The following PPARGC1A variants were observed in gnomAD, a reference collection of about 807,000 sequenced individuals.
PPARGC1A encodes PPARG coactivator 1 alpha.
In PPARGC1A, 25 loss-of-function variants were observed where a neutral mutation model predicts 88.7. The ratio of observed to expected loss-of-function variants is 0.28; its 90% CI spans 0.21 to 0.39. The LOEUF is 0.39. Ranked by LOEUF, PPARGC1A falls within the 10% of genes least tolerant of loss-of-function variation. PPARGC1A has a pLI of 1.00. For missense variants in PPARGC1A, 880 were observed against 968.7 expected, an observed-to-expected ratio of 0.91 and a Z score of 1.22; for synonymous variants, 363 against 355.6, an observed-to-expected ratio of 1.02 and a Z score of -0.24.
the PPARGC1A span, among the ~76,000 whole-genome samples, chr4:24,041,332 C>T: frequency 1.3e-5 from 2 of 152,274 alleles, no homozygotes; most frequent in Non-Finnish European, 1.5e-5. Flanking sequence ...ATTTCTCCAC[C>T]AAAGGCTACA....
At chr4:24,221,578 T>G in the PPARGC1A span, among the ~76,000 whole-genome samples, 5 of 152,172 alleles carry the variant, frequency 3.3e-5, no homozygotes, top group Non-Finnish European at 5.9e-5. Flanking sequence ...GAGGAAATAT[T>G]TGCATATGCA....
the PPARGC1A span, among the ~76,000 whole-genome samples, chr4:24,242,685 A>G: frequency 6.6e-6 from 1 of 152,282 alleles, no homozygotes; most frequent in African/African-American, 2.4e-5. Flanking sequence ...GATAGCCTTG[A>G]TGTTAAGATA....
At chr4:24,201,320 A>G in the PPARGC1A span, among the ~76,000 whole-genome samples, 2 of 152,334 alleles carry the variant, frequency 1.3e-5, no homozygotes, top group South Asian at 2.1e-4. Flanking sequence ...CCTGAGGACA[A>G]GGGGCCAAAA....
chr4:24,210,893 C>T, the PPARGC1A span, among the ~76,000 whole-genome samples: 1 of 152,228 alleles, frequency 6.6e-6, no homozygotes, highest in Non-Finnish European at 1.5e-5. Context: ...GGGAGCTCAA[C>T]CCCAACCTAG....
At chr4:24,029,427 C>G in the PPARGC1A span, among the ~76,000 whole-genome samples, 1 of 152,126 alleles carries the variant, frequency 6.6e-6, no homozygotes, top group Non-Finnish European at 1.5e-5. Flanking sequence ...CTGGATGGTA[C>G]CTGATGGGAT....
chr4:24,432,002 A>C, the PPARGC1A span, among the ~76,000 whole-genome samples: 1 of 152,200 alleles, frequency 6.6e-6, no homozygotes, highest in Non-Finnish European at 1.5e-5. Flanking sequence ...TAAAAGCTAA[A>C]TGGTTATGGC....
At chr4:23,884,956 T>A in intron 1 of PPARGC1A, 25 bp from the exon 2 acceptor site, 1 of 1,516,144 alleles carries the variant, frequency 6.6e-7, no homozygotes, top group Non-Finnish European at 8.8e-7. Context: ...AAAAAAAAAT[T>A]TAAAAAAGCT....
chr4:24,398,147 T>A, the PPARGC1A span, among the ~76,000 whole-genome samples: 1 of 152,200 alleles, frequency 6.6e-6, no homozygotes, highest in Non-Finnish European at 1.5e-5. Context: ...AATTTCTTTA[T>A]TAACATATAT....
the PPARGC1A span, among the ~76,000 whole-genome samples, chr4:24,387,106 T>C: frequency 2.6e-5 from 4 of 152,280 alleles, no homozygotes; most frequent in East Asian, 7.7e-4. Flanking sequence ...CAAAATTTGA[T>C]CTTTGACAAA....
upstream of PPARGC1A, among the ~76,000 whole-genome samples, chr4:23,908,996 G>T (rs1409045869): frequency 6.6e-6 from 1 of 152,230 alleles, no homozygotes; most frequent in Non-Finnish European, 1.5e-5. Context: ...GCTGCTTACA[G>T]TCTGAGTAAA....
the PPARGC1A span, among the ~76,000 whole-genome samples, chr4:24,422,563 C>G: frequency 6.6e-6 from 1 of 151,618 alleles, no homozygotes; most frequent in African/African-American, 2.4e-5. Flanking sequence ...TAACTCAGAC[C>G]CACCTACACC....
chr4:23,796,499 T>C lies in PPARGC1A; in HGVS notation c.2294-574A>G, dbSNP rs183300060. On this transcript the variant is annotated intron_variant, in intron 12 of 12. Transcript: ENST00000264867. The stretch of plus-strand genomic sequence containing the variant: ...GGAAGGTTGAGAGAAATGCTTCACA[T>C]CCCAGGAGAGTAAATTCGGAAAGAA... Among the ~76,000 whole-genome samples the C allele has an allele frequency of 4.5e-4, 69 of 152,212 alleles. 1 individual carries two copies. The highest frequency in any genetic ancestry group is 4.3e-3 in the Admixed American group (66 of 15,270).
At chr4:24,119,090 C>G in the PPARGC1A span, among the ~76,000 whole-genome samples, 1 of 152,134 alleles carries the variant, frequency 6.6e-6, no homozygotes, top group Non-Finnish European at 1.5e-5. Context: ...TTTGCATTGC[C>G]TCAACATAAA....
chr4:24,252,161 G>A, the PPARGC1A span, among the ~76,000 whole-genome samples: 4 of 152,002 alleles, frequency 2.6e-5, no homozygotes, highest in Non-Finnish European at 5.9e-5. Flanking sequence ...TTACACCTCT[G>A]GTCATCTTTA....
At chr4:24,090,771 TGAA>T in the PPARGC1A span, among the ~76,000 whole-genome samples, 1 of 152,228 alleles carries the variant, frequency 6.6e-6, no homozygotes, top group Non-Finnish European at 1.5e-5. Flanking sequence ...ATGTGTAATG[TGAA>T]GAAGAGTAAT....
At chr4:24,013,751 T>C in the PPARGC1A span, among the ~76,000 whole-genome samples, 9 of 152,200 alleles carry the variant, frequency 5.9e-5, no homozygotes, top group Non-Finnish European at 1.0e-4. Flanking sequence ...AATGCAATAA[T>C]TGCACATGTC....
At chr4:24,418,756 C>T in the PPARGC1A span, among the ~76,000 whole-genome samples, 2 of 152,168 alleles carry the variant, frequency 1.3e-5, no homozygotes, top group African/African-American at 2.4e-5. Context: ...CATTATGAAT[C>T]CCATTGTTTG....
chr4:24,084,217 A>G, the PPARGC1A span, among the ~76,000 whole-genome samples: 2 of 152,228 alleles, frequency 1.3e-5, no homozygotes, highest in African/African-American at 4.8e-5. Context: ...CAGGTGATCA[A>G]TCAGTACTGG....
At chr4:23,960,902 C>A in the PPARGC1A span, among the ~76,000 whole-genome samples, 3 of 152,076 alleles carry the variant, frequency 2.0e-5, no homozygotes, top group African/African-American at 7.2e-5. Context: ...ACCATGGTAG[C>A]TAGAGTAATC....
Sources: allele counts gnomAD v4.1 joint callset (sites outside exome capture counted in the v4.1 genomes callset), GRCh38; gene constraint gnomAD v4.1.1; transcripts MANE v1.5; gene names NCBI Gene and HGNC (gene_info 2026-07-23, HGNC 2026-07-21).